ZNF718: variants seen among roughly 807,000 people sequenced by gnomAD.
ZNF718 encodes zinc finger protein 718.
In ZNF718, 3 loss-of-function variants were observed where a neutral mutation model predicts 2.6. That is an observed-to-expected ratio of 1.16 (90% CI 0.53 to 3.01). The LOEUF (loss-of-function observed/expected upper bound fraction) is 3.01. ZNF718 is among the 30% of genes most tolerant of loss of function. The pLI is 0.03. For synonymous variants in ZNF718, 135 were observed against 77.9 expected, an observed-to-expected ratio of 1.73 and a Z score of -3.86; for missense variants, 468 against 230.0, an observed-to-expected ratio of 2.03 and a Z score of -6.69.
intron 3 of ZNF718, among the ~76,000 whole-genome samples, chr4:153,284 A>T (rs770997802): frequency 6.6e-6 from 1 of 152,082 alleles, no homozygotes; most frequent in African/African-American, 2.4e-5. Flanking sequence ...GTCTATTTTT[A>T]TGCCAGAATC....
chr4:144,413 G>C (rs955570586), intron 3 of ZNF718, among the ~76,000 whole-genome samples: 1 of 152,084 alleles, frequency 6.6e-6, no homozygotes, highest in Non-Finnish European at 1.5e-5. Flanking sequence ...AATTACGGTA[G>C]CTCTGTTGTA....
chr4:161,979 T>C lies in ZNF718; in HGVS notation c.1294T>C (p.Phe432Leu). 1.3e-6 allele frequency: 1 copy of C among 780,094 alleles called. No individual in the cohort carries two copies. The highest frequency in any genetic ancestry group is 1.3e-5 in the South Asian group (1 of 74,542). 48.3% of individuals were successfully genotyped at this position (780,094 alleles called of 1,614,324 possible). A position where few individuals can be genotyped will look rare whatever the true frequency, so the allele number is the denominator to read the frequency against. The change falls in exon 4 of 4, where the codon TTT becomes CTT. Residue 432 changes from phenylalanine to leucine, a missense_variant. Physicochemically the swap from Phe to Leu is conservative, Grantham distance 22. Transcript: ENST00000510175. ...CATATGTAAACAATGTGGCAAAGCC[T>C]TTAAACAGTCCTCACACTTGAATAA... is the stretch of plus-strand genomic sequence containing the variant. ...PYICKQCGKAFKQSSHLNKHK... is the reference protein window; with the variant it reads ...PYICKQCGKALKQSSHLNKHK...
Position 200,433 on chromosome 4 carries a change from T to C in ZNF718, c.227-648T>C, listed in dbSNP as rs546789920. ...ACAGGCATGTGCCACCATGTCCAGCTAATTTTTGTATTTTTAGTAGAGACA... is the reference window on the plus strand; with the variant it reads ...ACAGGCATGTGCCACCATGTCCAGCCAATTTTTGTATTTTTAGTAGAGACA... On this transcript the variant is annotated intron_variant and NMD_transcript_variant, in intron 3 of 4. Coordinates refer to the ZNF718 transcript ENST00000642529. Among the ~76,000 whole-genome samples the C allele has an allele frequency of 3.9e-5, 6 of 152,302 alleles. No homozygotes were observed. In the East Asian group the frequency reaches 1.2e-3, roughly 29 times the overall value.
At chr4:145,602 A>G (rs1209554230) in intron 3 of ZNF718, among the ~76,000 whole-genome samples, 3 of 152,068 alleles carry the variant, frequency 2.0e-5, no homozygotes, top group African/African-American at 4.8e-5. Flanking sequence ...AGCTGGGACT[A>G]CAAGCACAAG....
intron 3 of ZNF718, among the ~76,000 whole-genome samples, chr4:198,418 A>C (rs1313254521): frequency 6.6e-5 from 10 of 152,200 alleles, no homozygotes; most frequent in Non-Finnish European, 1.5e-4. Context: ...GCCTGGGCCC[A>C]CAAGTTCAGG....
rs199814257 is a variant in ZNF718, at chr4:157,103, C to CT, written c.227-3781dup. ...TTTCTTTTTGTTTCTTTCTTTCTTT[C>CT]TTTTTTTTTTTTTTTTTTTTTTTTT... On this transcript the variant is annotated intron_variant, in intron 3 of 3. Coordinates refer to ENST00000510175, the MANE Select transcript of ZNF718 (RefSeq NM_001039127.6). Among the ~76,000 whole-genome samples the CT allele has an allele frequency of 2.5e-4, 26 of 103,096 alleles. 1 individual carries two copies. In the South Asian group the frequency reaches 2.7e-3, roughly 11 times the overall value. 67.6% of individuals were successfully genotyped at this position (103,096 alleles called of 152,430 possible). A position where few individuals can be genotyped will look rare whatever the true frequency, so the allele number is the denominator to read the frequency against.
intron 3 of ZNF718, among the ~76,000 whole-genome samples, chr4:189,616 A>AT (rs1717653747): frequency 6.6e-6 from 1 of 152,020 alleles, no homozygotes; most frequent in Admixed American, 6.6e-5. Flanking sequence ...GGTTTTATTT[A>AT]TTTTTCTAGT....
At position 130,091 on chromosome 4, in the gene ZNF718, C is replaced by T. The variant is rs1423710578; in HGVS notation, c.4-697C>T. Among the ~76,000 whole-genome samples the T allele has an allele frequency of 2.9e-5, 3 of 104,140 alleles. 1 individual carries two copies. The highest frequency in any genetic ancestry group is 1.0e-4 in the African/African-American group (3 of 30,050). The allele number at this position is 104,140 out of a possible 152,430, so 68.3% of individuals were successfully genotyped here. On this transcript the variant is annotated intron_variant, in intron 1 of 3. Coordinates refer to ENST00000510175, the MANE Select transcript of ZNF718 (RefSeq NM_001039127.6). The stretch of plus-strand genomic sequence containing the variant: ...AGATGATGATTGGTGGTCTTGTCTT[C>T]GGATGTAAAGTATTTGTGTCGTGAT...
chr4:183,082 T>C (rs975055807), intron 3 of ZNF718, among the ~76,000 whole-genome samples: 4 of 152,202 alleles, frequency 2.6e-5, no homozygotes, highest in Admixed American at 6.5e-5. Flanking sequence ...CCCATGCCTA[T>C]GTCCTGAATG....
chr4:139,040 G>A (rs550207259), intron 3 of ZNF718, among the ~76,000 whole-genome samples: 22 of 152,132 alleles, frequency 1.4e-4, no homozygotes, highest in African/African-American at 5.3e-4. Context: ...TTCCTTATAG[G>A]CAGTTTCCAG....
intron 3 of ZNF718, among the ~76,000 whole-genome samples, chr4:199,797 G>T (rs528619800): frequency 6.6e-6 from 1 of 152,232 alleles, no homozygotes; most frequent in African/African-American, 2.4e-5. Flanking sequence ...ACCCCATGAT[G>T]GTGCTTGTTC....
chr4:161,615 C>G lies in ZNF718; in HGVS notation c.930C>G (p.Pro310=). The change falls in exon 4 of 4, where the codon CCC becomes CCG. Residue 310 remains proline, a synonymous_variant. Transcript: ENST00000510175. ...AGAGAATTCATGCTGGAGAGAAACCCTTCTCATGCGAAGAATGTGGCAATG... is the reference window on the plus strand; with the variant it reads ...AGAGAATTCATGCTGGAGAGAAACCGTTCTCATGCGAAGAATGTGGCAATG... ...EHKRIHAGEK[P]FSCEECGNVF... is the part of the protein sequence containing the mutation. 1 of 780,526 alleles carries G rather than the reference C, an allele frequency of 1.3e-6. No individual in the cohort carries two copies. Among genetic ancestry groups the G allele is most frequent in the Admixed American group, 1.7e-5 (1 of 58,918 alleles). 48.4% of individuals were successfully genotyped at this position (780,526 alleles called of 1,614,324 possible).
intron 4 of ZNF718, chr4:201,221 C>T (rs941631706): frequency 3.9e-5 from 6 of 152,226 alleles, no homozygotes; most frequent in Admixed American, 3.3e-4. Flanking sequence ...GGTGAGTACA[C>T]AAAAGCCTGA....
chr4:180,295 G>C (rs1188327350), intron 3 of ZNF718, among the ~76,000 whole-genome samples: 2 of 152,002 alleles, frequency 1.3e-5, no homozygotes, highest in African/African-American at 2.4e-5. Context: ...TATAATCCAG[G>C]TTCAAAAAAT....
intron 3 of ZNF718, among the ~76,000 whole-genome samples, chr4:155,761 T>A (rs1716539461): frequency 6.6e-6 from 1 of 152,152 alleles, no homozygotes; most frequent in Non-Finnish European, 1.5e-5. Context: ...TTTGGGGGAC[T>A]GTTGGGAAGG....
At chr4:183,609 T>G (rs756446550) in intron 3 of ZNF718, among the ~76,000 whole-genome samples, 9 of 152,232 alleles carry the variant, frequency 5.9e-5, no homozygotes, top group Non-Finnish European at 1.3e-4. Context: ...TATGGCCATT[T>G]TCATGATATT....
Position 161,545 on chromosome 4 carries a change from A to G in ZNF718, c.860A>G (p.Glu287Gly), listed in dbSNP as rs539294625. 2 of 780,908 alleles carry G rather than the reference A, an allele frequency of 2.6e-6. No individual in the cohort carries two copies. The highest frequency in any genetic ancestry group is 3.4e-5 in the African/African-American group (2 of 59,268). 48.4% of individuals were successfully genotyped at this position (780,908 alleles called of 1,614,324 possible). Residue 287 changes from glutamate to glycine, a missense_variant, in exon 4 of 4, where the codon GAA becomes GGA. Physicochemically the swap from Glu to Gly is moderately conservative, Grantham distance 98. Coordinates refer to ENST00000510175, the MANE Select transcript of ZNF718 (RefSeq NM_001039127.6). ...HSAQKYYKCE[E>G]CGKAFKWSSS... ...GCACAAAAATACTACAAATGTGAAG[A>G]ATGTGGTAAAGCCTTTAAGTGGTCC...
In ZNF718 at chr4:163,211, A is replaced by T. The variant is rs1180412562; in HGVS notation, c.*1089A>T. On this transcript the variant is annotated 3_prime_UTR_variant, in exon 4 of 4. Coordinates refer to ENST00000510175, the MANE Select transcript of ZNF718 (RefSeq NM_001039127.6). ...AACTTTTTTTTTTTTTTTGAGACGG[A>T]GTCTCGCTCTGTCGCCCAGGCTGGA... is the stretch of plus-strand genomic sequence containing the variant. 12 of 148,522 alleles carry T rather than the reference A, an allele frequency of 8.1e-5. No individual in the cohort carries two copies. The highest frequency in any genetic ancestry group is 3.0e-4 in the African/African-American group (12 of 40,150). The allele number at this position is 148,522 out of a possible 1,614,324, so 9.2% of individuals were successfully genotyped here.
chr4:167,206 C>T (rs1286712055), downstream of ZNF718, among the ~76,000 whole-genome samples: 1 of 152,072 alleles, frequency 6.6e-6, no homozygotes, highest in Non-Finnish European at 1.5e-5. Context: ...TTCCATTGGT[C>T]TATATCTCTG....
Sources: gnomAD v4.1 joint callset for allele counts (sites outside exome capture counted in the v4.1 genomes callset) on GRCh38, gnomAD v4.1.1 for gene constraint, MANE v1.5 for transcripts, NCBI Gene and HGNC (gene_info 2026-07-23, HGNC 2026-07-21) for gene names.